The following NEDD4L variants were observed in gnomAD, a reference collection of about 807,000 sequenced individuals.
The protein encoded by NEDD4L is NEDD4 like E3 ubiquitin protein ligase, also known as E3 ubiquitin-protein ligase NEDD4-like.
NEDD4L carries 54 observed loss-of-function variants against 148.9 expected under a neutral mutation model. The ratio of observed to expected loss-of-function variants is 0.36; its 90% CI spans 0.29 to 0.45. The LOEUF (loss-of-function observed/expected upper bound fraction) is 0.45, where lower values mean the gene tolerates loss of function less well. Ranked by LOEUF, NEDD4L falls within the 20% of genes least tolerant of loss-of-function variation. The pLI is 1.00. For missense variants in NEDD4L, 856 were observed against 1,233.8 expected, an observed-to-expected ratio of 0.69 and a Z score of 4.59; for synonymous variants, 433 against 440.7, an observed-to-expected ratio of 0.98 and a Z score of 0.22.
At chr18:58,388,176 C>A (rs571008590) in intron 27 of NEDD4L, 1 of 152,304 alleles carries the variant, frequency 6.6e-6, no homozygotes, top group East Asian at 1.9e-4. Context: ...TTTGTTGTGT[C>A]GAGAGAAACA....
intron 1 of NEDD4L, among the ~76,000 whole-genome samples, chr18:58,056,545 C>G (rs1341676891): frequency 6.6e-6 from 1 of 152,058 alleles, no homozygotes; most frequent in African/African-American, 2.4e-5. Flanking sequence ...CTTCTTGGTC[C>G]TAGGCTGGCT....
rs199916613 is a variant in NEDD4L, at chr18:58,398,085, G to C, written c.*1816G>C. The C allele has an allele frequency of 7.1e-6, 1 of 140,714 alleles. No individual in the cohort carries two copies. The highest frequency in any genetic ancestry group is 2.2e-4 in the East Asian group (1 of 4,494). 8.7% of individuals were successfully genotyped at this position (140,714 alleles called of 1,614,324 possible). A position where few individuals can be genotyped will look rare whatever the true frequency, so the allele number is the denominator to read the frequency against. ...AAAGAAGGTAGATTTCTACAGAGCTGAGTGTTGGTTCCTTTTTCTTATTGG... is the reference window on the plus strand; with the variant it reads ...AAAGAAGGTAGATTTCTACAGAGCTCAGTGTTGGTTCCTTTTTCTTATTGG... On this transcript the variant is annotated 3_prime_UTR_variant, in exon 31 of 31. Transcript: ENST00000400345.
chr18:58,229,763 G>A (rs898842086), intron 2 of NEDD4L, among the ~76,000 whole-genome samples: 1 of 152,106 alleles, frequency 6.6e-6, no homozygotes, highest in Non-Finnish European at 1.5e-5. Context: ...AGGCCGAGGC[G>A]GGCGGATCGT....
intron 2 of NEDD4L, among the ~76,000 whole-genome samples, chr18:58,192,064 G>T (rs1177570360): frequency 6.6e-6 from 1 of 152,120 alleles, no homozygotes; most frequent in South Asian, 2.1e-4. Context: ...CCAGCTGCTC[G>T]GGAGGCTGAG....
chr18:58,388,819 G>C (rs1469324199), intron 27 of NEDD4L: 3 of 466,384 alleles, frequency 6.4e-6, no homozygotes, highest in African/African-American at 2.0e-5. Context: ...GGGGTAGGGA[G>C]GACGACTGTG....
chr18:58,392,573 C>T (rs1438241635), intron 30 of NEDD4L, among the ~76,000 whole-genome samples: 2 of 152,154 alleles, frequency 1.3e-5, no homozygotes, highest in Non-Finnish European at 2.9e-5. Flanking sequence ...CGTGACTCTC[C>T]AGATGGAAAC....
intron 1 of NEDD4L, among the ~76,000 whole-genome samples, chr18:58,084,534 A>G (rs890895469): frequency 6.6e-6 from 1 of 152,156 alleles, no homozygotes; most frequent in Non-Finnish European, 1.5e-5. Flanking sequence ...CTTAAACAGT[A>G]ACCATTTATT....
chr18:58,290,835 A>T (rs1225334192), intron 5 of NEDD4L, among the ~76,000 whole-genome samples: 29 of 152,108 alleles, frequency 1.9e-4, no homozygotes, highest in Admixed American at 1.9e-3. Context: ...TTTCCTCTGG[A>T]TGTCCACTGA....
At chr18:58,094,547 C>T (rs887685825) in intron 1 of NEDD4L, among the ~76,000 whole-genome samples, 6 of 152,148 alleles carry the variant, frequency 3.9e-5, no homozygotes, top group Non-Finnish European at 7.3e-5. Context: ...CCATTTCACC[C>T]GGCATTCTTG....
intron 2 of NEDD4L, among the ~76,000 whole-genome samples, chr18:58,222,820 A>G (rs752365800): frequency 1.3e-5 from 2 of 152,242 alleles, no homozygotes; most frequent in Admixed American, 6.5e-5. Context: ...TTTCATAGCT[A>G]TTCTTTAATG....
intron 23 of NEDD4L, among the ~76,000 whole-genome samples, chr18:58,372,859 A>C (rs1160716175): frequency 1.3e-5 from 2 of 152,010 alleles, no homozygotes; most frequent in Non-Finnish European, 2.9e-5. Flanking sequence ...AGAGAGAGAA[A>C]AGAAAGTATA....
intron 1 of NEDD4L, among the ~76,000 whole-genome samples, chr18:58,163,081 A>G (rs115724806): frequency 0.21 from 32,442 of 151,450 alleles, 4,593 homozygotes; most frequent in Non-Finnish European, 0.32. Flanking sequence ...AGAAAAAAAA[A>G]AAAGAAATGG....
chr18:58,374,844 C>T (rs891195414), intron 24 of NEDD4L, among the ~76,000 whole-genome samples: 1 of 152,090 alleles, frequency 6.6e-6, no homozygotes, highest in African/African-American at 2.4e-5. Context: ...TTTTTTGTCT[C>T]ACCCTTGCTA....
chr18:58,345,225 G>A (rs2042902811), intron 16 of NEDD4L, among the ~76,000 whole-genome samples: 1 of 152,210 alleles, frequency 6.6e-6, no homozygotes, highest in Admixed American at 6.5e-5. Flanking sequence ...CCCTTCTTAA[G>A]CGAATTCAGA....
intron 2 of NEDD4L, among the ~76,000 whole-genome samples, chr18:58,179,938 G>C (rs1410119092): frequency 6.6e-6 from 1 of 152,094 alleles, no homozygotes; most frequent in Non-Finnish European, 1.5e-5. Context: ...AACCAGCCTG[G>C]AGAAAAATTG....
At chr18:58,289,686 C>T (rs1205529790) in intron 5 of NEDD4L, among the ~76,000 whole-genome samples, 2 of 152,174 alleles carry the variant, frequency 1.3e-5, no homozygotes, top group African/African-American at 2.4e-5. Flanking sequence ...AGGAAGCCTC[C>T]ACTTGACACC....
Position 58,390,641 on chromosome 18 carries a change from C to A in NEDD4L, c.2656-5C>A, listed in dbSNP as rs770350597. ...GGTATAATGACCTTCTGCCTCTGTT[C>A]ATAGGCTGTGCTACTCATGGACGCC... On this transcript the variant is annotated splice_region_variant and splice_polypyrimidine_tract_variant and intron_variant, in intron 28 of 30. Transcript: ENST00000400345. 1.3e-6 allele frequency: 2 copies of A among 1,573,920 alleles called. No individual in the cohort carries two copies. Among genetic ancestry groups the A allele is most frequent in the South Asian group, 2.3e-5 (2 of 85,874 alleles).
chr18:58,171,707 A>G (rs768057050), intron 2 of NEDD4L, among the ~76,000 whole-genome samples: 91 of 152,074 alleles, frequency 6.0e-4, no homozygotes, highest in Admixed American at 1.5e-3. Context: ...CTTTTTTCTC[A>G]TTGTCATGGA....
chr18:58,369,433 GAATGT>G, intron 22 of NEDD4L, among the ~76,000 whole-genome samples: 1 of 70,572 alleles, frequency 1.4e-5, no homozygotes, highest in Non-Finnish European at 3.0e-5. Context: ...CCACAGATGG[GAATGT>G]CCCTGTCGGC....
Sources: allele counts gnomAD v4.1 joint callset (sites outside exome capture counted in the v4.1 genomes callset), GRCh38; gene constraint gnomAD v4.1.1; transcripts MANE v1.5; gene names NCBI Gene and HGNC (gene_info 2026-07-23, HGNC 2026-07-21).